KCNIP4: variants seen among roughly 807,000 people sequenced by gnomAD.
KCNIP4 encodes potassium voltage-gated channel interacting protein 4.
A neutral mutation model predicts 34.0 loss-of-function variants in KCNIP4; 12 were observed. That is an observed-to-expected ratio of 0.35 (90% CI 0.23 to 0.57). The LOEUF is 0.57. KCNIP4 is among the 20% of genes least tolerant of loss of function. The probability of loss-of-function intolerance (pLI) is 0.83; values close to 1 mark genes in which losing one functional copy is unlikely to be tolerated. For missense variants in KCNIP4, 238 were observed against 311.7 expected, an observed-to-expected ratio of 0.76 and a Z score of 1.78; for synonymous variants, 124 against 102.2, an observed-to-expected ratio of 1.21 and a Z score of -1.29.
At chr4:20,806,733 T>A (rs2149426969) in intron 3 of KCNIP4, among the ~76,000 whole-genome samples, 1 of 152,150 alleles carries the variant, frequency 6.6e-6, no homozygotes, top group East Asian at 1.9e-4. Flanking sequence ...AGAAAACAAT[T>A]TCAAAAGATA....
chr4:21,242,675 A>T (rs1248368788), intron 1 of KCNIP4, among the ~76,000 whole-genome samples: 1 of 152,096 alleles, frequency 6.6e-6, no homozygotes, highest in East Asian at 1.9e-4. Context: ...TAGCTGGGAA[A>T]TTGTTCTTTC....
At chr4:21,022,894 C>G (rs1031980368) in intron 1 of KCNIP4, among the ~76,000 whole-genome samples, 1 of 150,868 alleles carries the variant, frequency 6.6e-6, no homozygotes, top group Non-Finnish European at 1.5e-5. Context: ...GGTGTGATCT[C>G]GGCTCACTGC....
At chr4:21,817,007 G>A (rs1722028777) in intron 1 of KCNIP4, among the ~76,000 whole-genome samples, 1 of 152,156 alleles carries the variant, frequency 6.6e-6, no homozygotes, top group Admixed American at 6.5e-5. Flanking sequence ...ACGTTTCATA[G>A]TATGTGCTTG....
intron 3 of KCNIP4, among the ~76,000 whole-genome samples, chr4:20,814,702 T>C (rs1716172935): frequency 6.6e-6 from 1 of 152,166 alleles, no homozygotes; most frequent in Non-Finnish European, 1.5e-5. Context: ...GGATCCCTAA[T>C]ACAAGATTGG....
At chr4:21,189,361 C>T (rs910608224) in intron 1 of KCNIP4, among the ~76,000 whole-genome samples, 2 of 152,084 alleles carry the variant, frequency 1.3e-5, no homozygotes, top group East Asian at 3.9e-4. Flanking sequence ...TTTTAAACTT[C>T]GAGAAAAAGC....
intron 1 of KCNIP4, among the ~76,000 whole-genome samples, chr4:21,770,373 G>C (rs371719348): frequency 1.3e-5 from 2 of 152,148 alleles, no homozygotes; most frequent in African/African-American, 4.8e-5. Context: ...ATCATTGATG[G>C]GTATTTGGGT....
intron 1 of KCNIP4, among the ~76,000 whole-genome samples, chr4:21,463,277 TA>T: frequency 6.6e-6 from 1 of 152,212 alleles, no homozygotes; most frequent in East Asian, 1.9e-4. Context: ...TGATGTTAAA[TA>T]TTTTTTTCAT....
At chr4:21,390,761 G>T (rs1485870694) in intron 1 of KCNIP4, among the ~76,000 whole-genome samples, 2 of 152,074 alleles carry the variant, frequency 1.3e-5, no homozygotes, top group Non-Finnish European at 2.9e-5. Context: ...TGTTCTTTTG[G>T]CTTAGGATTG....
At chr4:21,402,748 C>G (rs1275321538) in intron 1 of KCNIP4, among the ~76,000 whole-genome samples, 1 of 152,192 alleles carries the variant, frequency 6.6e-6, no homozygotes, top group East Asian at 1.9e-4. Flanking sequence ...CTTAGGCCTA[C>G]TTTTTCACTG....
intron 1 of KCNIP4, among the ~76,000 whole-genome samples, chr4:21,836,121 T>G (rs888346065): frequency 6.6e-6 from 1 of 152,188 alleles, no homozygotes; most frequent in African/African-American, 2.4e-5. Flanking sequence ...TTACCTGCAA[T>G]GTTTTATTTT....
intron 1 of KCNIP4, among the ~76,000 whole-genome samples, chr4:21,652,624 A>G (rs1747588754): frequency 1.3e-5 from 2 of 152,176 alleles, no homozygotes; most frequent in African/African-American, 4.8e-5. Context: ...TACAAGTGCC[A>G]AATTTTCCAT....
chr4:21,893,812 G>C (rs1727235428), intron 1 of KCNIP4, among the ~76,000 whole-genome samples: 2 of 152,086 alleles, frequency 1.3e-5, no homozygotes, highest in Admixed American at 1.3e-4. Context: ...TAGTTGCATG[G>C]TATTTTTATT....
chr4:21,701,435 T>C (rs1473783015), intron 1 of KCNIP4, among the ~76,000 whole-genome samples: 2 of 152,164 alleles, frequency 1.3e-5, no homozygotes. Context: ...GATAAGTAGG[T>C]GAGGTAATCA....
At chr4:21,577,770 C>A (rs961368933) in intron 1 of KCNIP4, among the ~76,000 whole-genome samples, 1 of 152,140 alleles carries the variant, frequency 6.6e-6, no homozygotes, top group Admixed American at 6.5e-5. Flanking sequence ...TAGTTAGCTC[C>A]TTCCTCTATT....
chr4:21,126,571 C>T (rs184654115), intron 1 of KCNIP4, among the ~76,000 whole-genome samples: 13 of 111,174 alleles, frequency 1.2e-4, no homozygotes, highest in Non-Finnish European at 2.0e-4. Flanking sequence ...AACTTTTTGA[C>T]AATGAATATT....
chr4:21,202,457 T>A (rs1756563406), intron 1 of KCNIP4, among the ~76,000 whole-genome samples: 1 of 151,836 alleles, frequency 6.6e-6, no homozygotes, highest in East Asian at 1.9e-4. Context: ...AGGACGGGAG[T>A]TGAAAAGCTA....
rs867721810 is a variant in KCNIP4, at chr4:21,360,545, G to A, written c.62-477836C>T. ...CTTTTTTGTCCAGGAAGTATTCCTA[G>A]CCAGTGTGTCATTATCTTTTAAAAG... On this transcript the variant is annotated intron_variant, in intron 1 of 8. Transcript: ENST00000382152. 3.9e-5 allele frequency among the ~76,000 whole-genome samples: 6 copies of A among 152,078 alleles called. No individual in the cohort carries two copies. The Middle Eastern group carries it at 0.01, about 259-fold the overall frequency.
intron 1 of KCNIP4, among the ~76,000 whole-genome samples, chr4:20,945,747 C>G (rs967802341): frequency 1.3e-5 from 2 of 152,052 alleles, no homozygotes; most frequent in African/African-American, 4.8e-5. Flanking sequence ...ATAGATGGGC[C>G]CCCCAGGGAC....
rs117931117 is a variant in KCNIP4, at chr4:21,560,127, C to T, written c.61+388444G>A. On this transcript the variant is annotated intron_variant, in intron 1 of 8. Coordinates refer to ENST00000382152, the MANE Select transcript of KCNIP4 (RefSeq NM_025221.6). ...AATTCATATATATTCTAAAAATAAG[C>T]AAATAGTGTAAATGCAAATGGGCTT... 4.3e-3 allele frequency among the ~76,000 whole-genome samples: 649 copies of T among 152,042 alleles called. 11 individuals are homozygous for T. The East Asian group carries it at 0.059, about 14-fold the overall frequency.
Sources: allele counts gnomAD v4.1 joint callset (sites outside exome capture counted in the v4.1 genomes callset), GRCh38; gene constraint gnomAD v4.1.1; transcripts MANE v1.5; gene names NCBI Gene and HGNC (gene_info 2026-07-23, HGNC 2026-07-21).